The following EPHA6 variants were observed in gnomAD, a reference collection of about 807,000 sequenced individuals.
The protein encoded by EPHA6 is ephrin type-A receptor 6.
EPHA6 carries 50 observed loss-of-function variants against 112.0 expected under a neutral mutation model. That is an observed-to-expected ratio of 0.45 (90% CI 0.36 to 0.56). The LOEUF (loss-of-function observed/expected upper bound fraction) is 0.56, where lower values mean the gene tolerates loss of function less well. Among genes scored for constraint, EPHA6 ranks in the 20% least tolerant of loss-of-function variants. EPHA6 has a pLI of 0.00. For synonymous variants in EPHA6, 529 were observed against 490.7 expected (o/e 1.08, Z -1.03); for missense variants, 1,280 against 1,417.4 (o/e 0.90, Z 1.56).
At chr3:97,374,718 A>T (rs909104352) in intron 5 of EPHA6, among the ~76,000 whole-genome samples, 1 of 152,086 alleles carries the variant, frequency 6.6e-6, no homozygotes, top group East Asian at 1.9e-4. Flanking sequence ...CTTTATGCCC[A>T]TGTGTATCCA....
intron 4 of EPHA6, among the ~76,000 whole-genome samples, chr3:97,239,534 T>C (rs1283275094): frequency 6.6e-6 from 1 of 151,920 alleles, no homozygotes; most frequent in Non-Finnish European, 1.5e-5. Flanking sequence ...TTATTTATTA[T>C]ATTATTACAA....
At chr3:97,398,856 A>C (rs1360854082) in intron 5 of EPHA6, among the ~76,000 whole-genome samples, 3 of 151,522 alleles carry the variant, frequency 2.0e-5, no homozygotes, top group Non-Finnish European at 3.0e-5. Flanking sequence ...GTATATATTT[A>C]TAGGGTACAG....
intron 3 of EPHA6, among the ~76,000 whole-genome samples, chr3:97,153,329 G>C (rs934873667): frequency 2.6e-5 from 4 of 151,700 alleles, no homozygotes; most frequent in African/African-American, 4.8e-5. Flanking sequence ...ATTATGATTC[G>C]ATAATAGTTT....
At chr3:97,090,767 T>C (rs1360617200) in intron 3 of EPHA6, among the ~76,000 whole-genome samples, 1 of 152,042 alleles carries the variant, frequency 6.6e-6, no homozygotes, top group African/African-American at 2.4e-5. Flanking sequence ...ATGGACTCAT[T>C]GGCTGACCAA....
At chr3:97,415,740 T>C (rs2088072302) in intron 6 of EPHA6, among the ~76,000 whole-genome samples, 3 of 152,080 alleles carry the variant, frequency 2.0e-5, no homozygotes. Flanking sequence ...TTTCTATTCC[T>C]TTGATAAATT....
chr3:97,283,593 C>T (rs548365908), intron 5 of EPHA6, among the ~76,000 whole-genome samples: 3 of 151,842 alleles, frequency 2.0e-5, no homozygotes, highest in East Asian at 3.9e-4. Context: ...CATCACACAC[C>T]GGAGCCTTTC....
rs150732174 is a variant in EPHA6, at chr3:97,427,274, A to C, written c.1732-21294A>C. ...ACTGCAGAACCATTCACAACAGCAA[A>C]GTCATAGAATCAATCTAAATGACCA... On this transcript the variant is annotated intron_variant, in intron 6 of 17. Coordinates refer to ENST00000389672, the MANE Select transcript of EPHA6 (RefSeq NM_001080448.3). Among the ~76,000 whole-genome samples, 5 of 152,342 alleles carry C rather than the reference A, an allele frequency of 3.3e-5. No homozygotes were observed. In the East Asian group the frequency reaches 9.6e-4, roughly 29 times the overall value.
At chr3:96,904,554 A>G (rs1357073796) in intron 2 of EPHA6, among the ~76,000 whole-genome samples, 3 of 151,574 alleles carry the variant, frequency 2.0e-5, no homozygotes, top group African/African-American at 7.3e-5. Context: ...ACATGTATAC[A>G]TATGTAACTA....
chr3:97,236,674 T>C (rs1008362330), intron 4 of EPHA6, among the ~76,000 whole-genome samples: 1 of 152,076 alleles, frequency 6.6e-6, no homozygotes, highest in Admixed American at 6.6e-5. Flanking sequence ...AAATATCAAG[T>C]CTTTGTGTTT....
intron 3 of EPHA6, among the ~76,000 whole-genome samples, chr3:97,002,250 C>T (rs372402834): frequency 1.3e-5 from 2 of 151,636 alleles, no homozygotes; most frequent in East Asian, 3.9e-4. Flanking sequence ...CCTCTTGAAG[C>T]CTAATTTTAT....
In EPHA6 at chr3:97,720,341, C is replaced by T; in HGVS notation, c.2865C>T (p.Ser955=). The change falls in exon 15 of 18, where the codon AGC becomes AGT. Residue 955 remains serine, a synonymous_variant. Coordinates refer to ENST00000389672, the MANE Select transcript of EPHA6 (RefSeq NM_001080448.3). The part of the protein sequence containing the change: ...RKFSSASDAW[S]YGIVMWEVMS... ...TCTCCTCAGCAAGCGATGCATGGAG[C>T]TATGGCATTGTCATGTGGGAGGTCA... 1 of 1,611,620 alleles carries T rather than the reference C, an allele frequency of 6.2e-7. No homozygotes were observed. Among genetic ancestry groups the T allele is most frequent in the Non-Finnish European group, 8.5e-7 (1 of 1,179,004 alleles).
intron 14 of EPHA6, among the ~76,000 whole-genome samples, chr3:97,696,629 C>CTGGCACA (rs2033058571): frequency 6.6e-6 from 1 of 152,116 alleles, no homozygotes; most frequent in African/African-American, 2.4e-5. Context: ...ATAGATTCTT[C>CTGGCACA]TGGCACAGAA....
intron 6 of EPHA6, among the ~76,000 whole-genome samples, chr3:97,436,191 T>C (rs751351056): frequency 1.7e-4 from 26 of 152,144 alleles, no homozygotes; most frequent in Non-Finnish European, 3.5e-4. Context: ...AAACATTGGG[T>C]TATTTAGAGC....
intron 14 of EPHA6, among the ~76,000 whole-genome samples, chr3:97,663,096 T>C (rs2094180584): frequency 6.6e-6 from 1 of 152,078 alleles, no homozygotes; most frequent in African/African-American, 2.4e-5. Flanking sequence ...CAAAAAGAAA[T>C]ACATGAGAAT....
In EPHA6 at chr3:97,552,676, G is replaced by A. The variant is rs542956281; in HGVS notation, c.2386+20133G>A. On this transcript the variant is annotated intron_variant, in intron 11 of 17. Coordinates refer to ENST00000389672, the MANE Select transcript of EPHA6 (RefSeq NM_001080448.3). ...AAACAAAACAAACCTACTTCAAATG[G>A]TAACCTCAGTGGTTAGCATTAAAGA... 3.2e-3 allele frequency among the ~76,000 whole-genome samples: 494 copies of A among 152,186 alleles called. 2 individuals are homozygous for A. Among genetic ancestry groups the A allele is most frequent in the African/African-American group, 0.011 (460 of 41,526 alleles).
intron 2 of EPHA6, among the ~76,000 whole-genome samples, chr3:96,913,669 G>A (rs2039344572): frequency 6.6e-6 from 1 of 152,070 alleles, no homozygotes; most frequent in South Asian, 2.1e-4. Flanking sequence ...AGATCAAAGT[G>A]TCTGGTTTAT....
chr3:97,637,807 TTTAA>T, intron 13 of EPHA6, 62 bp from the exon 14 acceptor site: 1 of 1,199,974 alleles, frequency 8.3e-7, no homozygotes, highest in South Asian at 1.3e-5. Flanking sequence ...AAGGATCTTA[TTTAA>T]TACACACACG....
In EPHA6 at chr3:97,479,379, G is replaced by A. The variant is rs755370942; in HGVS notation, c.2074+15G>A. On this transcript the variant is annotated intron_variant, in intron 9 of 17. Coordinates refer to ENST00000389672, the MANE Select transcript of EPHA6 (RefSeq NM_001080448.3). ...GAATGGGCATTGTAAGTAGCGCAGG[G>A]ACTTTCTTTCATTATTTTGTACTGT... 38 of 1,571,708 alleles carry A rather than the reference G, an allele frequency of 2.4e-5. No homozygotes were observed. The South Asian group carries it at 4.4e-4, about 18-fold the overall frequency.
At chr3:97,293,398 C>A (rs1268823683) in intron 5 of EPHA6, among the ~76,000 whole-genome samples, 2 of 151,362 alleles carry the variant, frequency 1.3e-5, no homozygotes, top group Non-Finnish European at 1.5e-5. Flanking sequence ...AAAGAGGACA[C>A]TCATGATGGG....
Sources: allele counts gnomAD v4.1 joint callset (sites outside exome capture counted in the v4.1 genomes callset), GRCh38; gene constraint gnomAD v4.1.1; transcripts MANE v1.5; gene names NCBI Gene and HGNC (gene_info 2026-07-23, HGNC 2026-07-21).